The following GON4L variants were observed in gnomAD, a reference collection of about 807,000 sequenced individuals.
GON4L encodes the protein gon-4 like, also known as GON-4-like protein.
A neutral mutation model predicts 211.8 loss-of-function variants in GON4L; 87 were observed. That is an observed-to-expected ratio of 0.41 (90% CI 0.35 to 0.49). The LOEUF is 0.49. Among genes scored for constraint, GON4L ranks in the 20% least tolerant of loss-of-function variants. The pLI is 0.15. For synonymous variants in GON4L, 875 were observed against 962.6 expected, an observed-to-expected ratio of 0.91 and a Z score of 1.68; for missense variants, 2,155 against 2,659.5, an observed-to-expected ratio of 0.81 and a Z score of 4.17.
At chr1:155,824,828 G>T (rs1234406862) in intron 3 of GON4L, among the ~76,000 whole-genome samples, 1 of 146,624 alleles carries the variant, frequency 6.8e-6, no homozygotes, top group Non-Finnish European at 1.5e-5. Flanking sequence ...GAAGCAAAAA[G>T]AAAAAACAAA....
At chr1:155,842,521 C>T (rs1241295760) in intron 2 of GON4L, among the ~76,000 whole-genome samples, 1 of 98,610 alleles carries the variant, frequency 1.0e-5, no homozygotes, top group African/African-American at 4.0e-5. Flanking sequence ...GAGACTCCAT[C>T]TCAAAAAAAA....
At chr1:155,850,114 C>T (rs766446009) in intron 2 of GON4L, among the ~76,000 whole-genome samples, 1 of 151,912 alleles carries the variant, frequency 6.6e-6, no homozygotes, top group Admixed American at 6.6e-5. Flanking sequence ...TAAGCACTTG[C>T]CTCATTAAGT....
intron 1 of GON4L, among the ~76,000 whole-genome samples, chr1:155,855,029 T>G (rs1672146970): frequency 7.0e-6 from 1 of 141,966 alleles, no homozygotes; most frequent in Middle Eastern, 3.4e-3. Context: ...AGAGCGAAAC[T>G]CCATCTCAAA....
At chr1:155,825,920 G>A (rs1669167953) in intron 3 of GON4L, among the ~76,000 whole-genome samples, 2 of 152,194 alleles carry the variant, frequency 1.3e-5, no homozygotes, top group East Asian at 1.9e-4. Context: ...GCAGGTGCCT[G>A]TAATCCCAGC....
chr1:155,762,717 CAT>C (rs1041633859), intron 22 of GON4L, among the ~76,000 whole-genome samples: 2 of 152,294 alleles, frequency 1.3e-5, no homozygotes, highest in Admixed American at 6.5e-5. Context: ...TAGCCCCACA[CAT>C]GACAGATAAG....
At chr1:155,798,032 G>T (rs1361592079) in intron 11 of GON4L, among the ~76,000 whole-genome samples, 1 of 151,312 alleles carries the variant, frequency 6.6e-6, no homozygotes, top group Non-Finnish European at 1.5e-5. Flanking sequence ...AGTGAGTCAT[G>T]ATCACGCCAC....
chr1:155,773,974 T>C (rs1663491225), intron 17 of GON4L, among the ~76,000 whole-genome samples: 1 of 152,314 alleles, frequency 6.6e-6, no homozygotes, highest in East Asian at 1.9e-4. Context: ...GTCTATGATA[T>C]AATACACTTA....
At chr1:155,858,703 A>AT (rs61526659), upstream of GON4L, among the ~76,000 whole-genome samples, 73 of 89,270 alleles carry the variant, frequency 8.2e-4, no homozygotes, top group African/African-American at 2.6e-3. Context: ...GTACAACCAA[A>AT]TTTTTTTTTT....
intron 2 of GON4L, among the ~76,000 whole-genome samples, chr1:155,839,418 G>T (rs897401503): frequency 3.3e-5 from 5 of 152,170 alleles, no homozygotes; most frequent in African/African-American, 1.2e-4. Flanking sequence ...GGAGGCCAAG[G>T]TGGGTGGATC....
intron 2 of GON4L, among the ~76,000 whole-genome samples, chr1:155,840,467 C>T (rs890322350): frequency 5.9e-5 from 9 of 152,160 alleles, no homozygotes; most frequent in Non-Finnish European, 1.5e-5. Flanking sequence ...TGTTGCTGGG[C>T]TTTATCAAAG....
At chr1:155,747,950 A>G (rs184430142), downstream of GON4L, 3 of 1,566,022 alleles carry the variant, frequency 1.9e-6, no homozygotes, top group African/African-American at 4.1e-5. Flanking sequence ...GAGTGGCTTA[A>G]TGCAAACTGG....
chr1:155,832,470 C>A (rs1248264032), intron 2 of GON4L, among the ~76,000 whole-genome samples: 1 of 151,874 alleles, frequency 6.6e-6, no homozygotes, highest in East Asian at 1.9e-4. Flanking sequence ...GAAACCCCAC[C>A]TCTACTGAAA....
At chr1:155,850,170 T>C (rs2102483717) in intron 2 of GON4L, among the ~76,000 whole-genome samples, 1 of 152,294 alleles carries the variant, frequency 6.6e-6, no homozygotes, top group East Asian at 1.9e-4. Flanking sequence ...AAAGTATTTG[T>C]CCACATCAAC....
intron 2 of GON4L, among the ~76,000 whole-genome samples, chr1:155,837,317 T>A (rs1308944697): frequency 6.6e-6 from 1 of 152,154 alleles, no homozygotes; most frequent in Non-Finnish European, 1.5e-5. Context: ...AACACTTTTT[T>A]TGGTGTCTCC....
downstream of GON4L, chr1:155,746,973 T>C (rs979843929): frequency 6.9e-6 from 11 of 1,598,906 alleles, no homozygotes; most frequent in Non-Finnish European, 6.0e-6. Context: ...TGTCTTAGAA[T>C]GATATTTTGG....
At chr1:155,856,760 G>GA (rs1303927749) in intron 1 of GON4L, among the ~76,000 whole-genome samples, 4 of 151,426 alleles carry the variant, frequency 2.6e-5, no homozygotes, top group Non-Finnish European at 5.9e-5. Context: ...AAAAAAAGGG[G>GA]AAAAAAAGAA....
intron 13 of GON4L, 130 bp from the exon 14 acceptor site, chr1:155,784,219 G>T: frequency 7.8e-7 from 1 of 1,280,868 alleles, no homozygotes; most frequent in Non-Finnish European, 1.1e-6. Flanking sequence ...AAGAGCCAAT[G>T]TCAGAACTTT....
intron 6 of GON4L, among the ~76,000 whole-genome samples, chr1:155,817,380 C>A (rs1295129086): frequency 6.6e-6 from 1 of 152,142 alleles, no homozygotes; most frequent in Non-Finnish European, 1.5e-5. Context: ...TGTAACCCAA[C>A]CAAAAGCACC....
chr1:155,780,766 A>G (rs966123832), intron 14 of GON4L, among the ~76,000 whole-genome samples: 7 of 152,302 alleles, frequency 4.6e-5, no homozygotes, highest in African/African-American at 1.7e-4. Flanking sequence ...TTAAGTGATT[A>G]AGCACGTGCT....
Sources: gnomAD v4.1 joint callset for allele counts (sites outside exome capture counted in the v4.1 genomes callset) on GRCh38, gnomAD v4.1.1 for gene constraint, MANE v1.5 for transcripts, NCBI Gene and HGNC (gene_info 2026-07-23, HGNC 2026-07-21) for gene names.